Variants in APP observed in about 807,000 individuals in gnomAD.
APP encodes amyloid-beta precursor protein.
Under a neutral mutation model 101.4 loss-of-function variants are expected in APP, and 31 were observed. That is an observed-to-expected ratio of 0.31 (90% CI 0.23 to 0.41). The LOEUF (loss-of-function observed/expected upper bound fraction) is 0.41, where lower values mean the gene tolerates loss of function less well. APP is among the 10% of genes least tolerant of loss of function. The probability of loss-of-function intolerance (pLI) is 1.00; values close to 1 mark genes in which losing one functional copy is unlikely to be tolerated. For missense variants in APP, 839 were observed against 1,003.7 expected (o/e 0.84, Z 2.22); for synonymous variants, 366 against 364.4 (o/e 1.00, Z -0.05).
At chr21:25,948,783 C>T (rs1445965439) in intron 13 of APP, among the ~76,000 whole-genome samples, 2 of 152,122 alleles carry the variant, frequency 1.3e-5, no homozygotes, top group Non-Finnish European at 2.9e-5. Context: ...ATCCTTTTAG[C>T]AGAGATTTAA....
chr21:26,116,436 A>G (rs906207790), intron 1 of APP, among the ~76,000 whole-genome samples: 1 of 152,242 alleles, frequency 6.6e-6, no homozygotes, highest in African/African-American at 2.4e-5. Context: ...GCAGATGTGA[A>G]TCTGGAAACC....
At chr21:26,127,371 G>A (rs1191162105) in intron 1 of APP, among the ~76,000 whole-genome samples, 1 of 152,054 alleles carries the variant, frequency 6.6e-6, no homozygotes, top group Non-Finnish European at 1.5e-5. Flanking sequence ...GACAAACGGA[G>A]AAAAGGCTTA....
At chr21:25,897,346 C>G (rs1295015323) in intron 16 of APP, among the ~76,000 whole-genome samples, 1 of 152,172 alleles carries the variant, frequency 6.6e-6, no homozygotes, top group East Asian at 1.9e-4. Flanking sequence ...GAATTTCTGA[C>G]CTCGTGATCC....
At chr21:25,936,435 C>T (rs529553647) in intron 13 of APP, among the ~76,000 whole-genome samples, 7 of 152,286 alleles carry the variant, frequency 4.6e-5, no homozygotes, top group South Asian at 2.1e-4. Context: ...CTCAGCTACT[C>T]GGGAGGCTGA....
chr21:25,930,102 G>C (rs576140091), intron 13 of APP, among the ~76,000 whole-genome samples: 3 of 152,316 alleles, frequency 2.0e-5, no homozygotes, highest in African/African-American at 7.2e-5. Flanking sequence ...ACAAGGGAGG[G>C]AGGAGAATGG....
At chr21:26,058,080 T>TGC (rs143227086) in intron 3 of APP, among the ~76,000 whole-genome samples, 183 of 152,306 alleles carry the variant, frequency 1.2e-3, no homozygotes, top group Non-Finnish European at 2.1e-3. Context: ...TATTCCATGA[T>TGC]GCCATCAGGG....
intron 3 of APP, among the ~76,000 whole-genome samples, chr21:26,059,880 G>C (rs1048213801): frequency 3.5e-4 from 39 of 113,006 alleles, no homozygotes; most frequent in Admixed American, 2.1e-3. Context: ...GAAAGAGCGA[G>C]ACTCCGTCTC....
intron 13 of APP, among the ~76,000 whole-genome samples, chr21:25,916,414 T>A (rs1227737800): frequency 1.3e-5 from 2 of 152,232 alleles, no homozygotes; most frequent in Non-Finnish European, 2.9e-5. Context: ...CCTGTAGACA[T>A]GACTAAGGGC....
chr21:25,893,037 T>A (rs988223471), intron 16 of APP, among the ~76,000 whole-genome samples: 5 of 152,204 alleles, frequency 3.3e-5, no homozygotes, highest in Non-Finnish European at 7.3e-5. Context: ...CAGGTTCACT[T>A]CATGTCTGTG....
chr21:26,156,599 A>T (rs2063380113), intron 1 of APP, among the ~76,000 whole-genome samples: 1 of 130,014 alleles, frequency 7.7e-6, no homozygotes, highest in Non-Finnish European at 1.6e-5. Flanking sequence ...ATCCAAAGCC[A>T]GCAAAGGTCA....
Position 25,997,415 on chromosome 21 carries a change from C to A in APP, c.1035G>T (p.Met345Ile), listed in dbSNP as rs201715311. 5.6e-6 allele frequency: 9 copies of A among 1,611,968 alleles called. No individual in the cohort carries two copies. Among genetic ancestry groups the A allele is most frequent in the Non-Finnish European group, 6.8e-6 (8 of 1,178,354 alleles). The change falls in exon 8 of 18, where the codon ATG becomes ATT. Residue 345 changes from methionine (M) to isoleucine (I), a missense_variant and splice_region_variant. Met to Ile is a conservative substitution (Grantham distance 10). Transcript: ENST00000346798. ...GGGTAGTCTTGAGTAAACTTTGGGACACTATGGAAAAAATAAGAGAACATA... is the reference window on the plus strand; with the variant it reads ...GGGTAGTCTTGAGTAAACTTTGGGAAACTATGGAAAAAATAAGAGAACATA... The part of the protein sequence containing the change: ...EYCMAVCGSA[M>I]SQSLLKTTQE...
chr21:25,943,825 T>C (rs974878600), intron 13 of APP, among the ~76,000 whole-genome samples: 1 of 152,208 alleles, frequency 6.6e-6, no homozygotes, highest in Non-Finnish European at 1.5e-5. Context: ...GATATCTCAG[T>C]GGTGATGATA....
At chr21:26,109,380 G>A (rs1461901223) in intron 2 of APP, among the ~76,000 whole-genome samples, 1 of 152,050 alleles carries the variant, frequency 6.6e-6, no homozygotes, top group African/African-American at 2.4e-5. Context: ...CATGAGATCC[G>A]GGTGTTTGAA....
chr21:26,120,337 T>C (rs1201879081), intron 1 of APP, among the ~76,000 whole-genome samples: 1 of 152,200 alleles, frequency 6.6e-6, no homozygotes, highest in Non-Finnish European at 1.5e-5. Context: ...AATTTTTCTG[T>C]AGAGACAAGG....
intron 9 of APP, among the ~76,000 whole-genome samples, chr21:25,979,085 AT>A (rs11318092): frequency 1 from 152,357 of 152,358 alleles, 76,178 homozygotes; most frequent in Middle Eastern, 1. Context: ...GTAGATTTCT[AT>A]TTGACTAGAT....
chr21:25,982,174 G>T (rs1447619490), intron 9 of APP, among the ~76,000 whole-genome samples, 170 bp downstream of exon 9: 1 of 152,122 alleles, frequency 6.6e-6, no homozygotes, highest in Admixed American at 6.5e-5. Context: ...GCATGTTCAC[G>T]GAGGATGCAA....
At chr21:25,931,275 A>G (rs747814812) in intron 13 of APP, among the ~76,000 whole-genome samples, 1 of 152,204 alleles carries the variant, frequency 6.6e-6, no homozygotes. Context: ...TCATTGTCCT[A>G]GCAGATACAA....
At chr21:25,950,016 T>G (rs2040993902) in intron 13 of APP, among the ~76,000 whole-genome samples, 2 of 152,224 alleles carry the variant, frequency 1.3e-5, no homozygotes, top group Non-Finnish European at 2.9e-5. Context: ...GCTGCCTTTG[T>G]GTGAAATGCA....
rs200260102 is a variant in APP, at chr21:25,897,649, G to A, written c.1988C>T (p.Thr663Met). The A allele has an allele frequency of 2.8e-5, 45 of 1,613,574 alleles. No individual in the cohort carries two copies. The highest frequency in any genetic ancestry group is 3.3e-5 in the Non-Finnish European group (39 of 1,179,734). ...CATCTTCACTTCAGAGATCTCCTCC[G>A]TCTTGATATTTGTCAACCCAGAACC... The part of the protein sequence containing the change: ...RPGSGLTNIK[T>M]EEISEVKMDA... Residue 663 changes from threonine (T) to methionine (M), a missense_variant, in exon 16 of 18, where the codon ACG becomes ATG. By Grantham distance (81) the Thr-to-Met change is moderately conservative. Transcript: ENST00000346798.
Sources: gnomAD v4.1 joint callset for allele counts (sites outside exome capture counted in the v4.1 genomes callset) on GRCh38, gnomAD v4.1.1 for gene constraint, MANE v1.5 for transcripts, NCBI Gene and HGNC (gene_info 2026-07-23, HGNC 2026-07-21) for gene names.